XCR1: variants seen among roughly 807,000 people sequenced by gnomAD.
XCR1 encodes X-C motif chemokine receptor 1, also known as chemokine XC receptor 1.
For synonymous variants in XCR1, 187 were observed against 188.5 expected, an observed-to-expected ratio of 0.99 and a Z score of 0.06; for missense variants, 356 against 424.2, an observed-to-expected ratio of 0.84 and a Z score of 1.41.
chr3:46,084,304 A>G (rs1698432402), intron 1 of XCR1, among the ~76,000 whole-genome samples: 1 of 152,228 alleles, frequency 6.6e-6, no homozygotes, highest in Non-Finnish European at 1.5e-5. Flanking sequence ...ATTTGTGATC[A>G]AAAGGAAGGA....
chr3:46,033,973 T>C (rs891761561), intron 5 of XCR1, among the ~76,000 whole-genome samples: 3 of 51,884 alleles, frequency 5.8e-5, no homozygotes, highest in Admixed American at 3.0e-4. Context: ...TCATTGCTGT[T>C]TTTTTTTTCT....
chr3:46,082,598 CTCCCGACTCAGCT>C (rs1237028704), intron 1 of XCR1, among the ~76,000 whole-genome samples: 1 of 150,462 alleles, frequency 6.6e-6, no homozygotes, highest in Non-Finnish European at 1.5e-5. Flanking sequence ...TCAAGCAATC[CTCCCGACTCAGCT>C]TCCCGAGTAG....
intron 1 of XCR1, among the ~76,000 whole-genome samples, chr3:46,082,074 G>A (rs1698378054): frequency 6.6e-6 from 1 of 152,176 alleles, no homozygotes; most frequent in African/African-American, 2.4e-5. Flanking sequence ...TTGATGCATA[G>A]ATTCATATTT....
Position 46,020,685 on chromosome 3 carries a change from G to A in XCR1, c.*261C>T. On this transcript the variant is annotated 3_prime_UTR_variant, in exon 2 of 2. Transcript: ENST00000309285. ...GATTAGAAACACATGTCTAAATGAA[G>A]GAGCGTGCAAGATGAACTCAGAGTT... 1 of 528,534 alleles carries A rather than the reference G, an allele frequency of 1.9e-6. No homozygotes were observed. Among genetic ancestry groups the A allele is most frequent in the East Asian group, 3.2e-5 (1 of 31,544 alleles). The allele number at this position is 528,534 out of a possible 1,614,324, so 32.7% of individuals were successfully genotyped here.
intron 3 of XCR1, among the ~76,000 whole-genome samples, chr3:46,074,214 CTTTTTTTT>C (rs35124592): frequency 0.03 from 2,628 of 86,698 alleles, 52 homozygotes; most frequent in Middle Eastern, 0.13. Flanking sequence ...TGAAGGCCAT[CTTTTTTTT>C]TTTTTTTTTT....
In XCR1 at chr3:46,019,985, C is replaced by T. The variant is rs574612910; in HGVS notation, c.*961G>A. ...GGAGTTGAGGAAAAGAAAACACAGG[C>T]CTCCAAGAGGACTTGAGGTTTGGAG... On this transcript the variant is annotated 3_prime_UTR_variant, in exon 2 of 2. Coordinates refer to ENST00000309285, the MANE Select transcript of XCR1 (RefSeq NM_001024644.2). 3 of 152,348 alleles carry T rather than the reference C, an allele frequency of 2.0e-5. No individual in the cohort carries two copies. Among genetic ancestry groups the T allele is most frequent in the South Asian group, 4.1e-4 (2 of 4,828 alleles). 9.4% of individuals were successfully genotyped at this position (152,348 alleles called of 1,614,324 possible). A position where few individuals can be genotyped will look rare whatever the true frequency, so the allele number is the denominator to read the frequency against.
At chr3:46,039,832 A>G (rs1227483077) in intron 5 of XCR1, among the ~76,000 whole-genome samples, 4 of 152,202 alleles carry the variant, frequency 2.6e-5, no homozygotes, top group African/African-American at 9.6e-5. Flanking sequence ...AAATTAAACA[A>G]TATCAAAATC....
intron 1 of XCR1, among the ~76,000 whole-genome samples, chr3:46,079,122 C>T (rs1312895144): frequency 6.6e-6 from 1 of 152,154 alleles, no homozygotes; most frequent in Admixed American, 6.5e-5. Context: ...TAAGAAGTTC[C>T]TAAGTTACGG....
At chr3:46,025,332 A>G (rs1380332164) in intron 1 of XCR1, among the ~76,000 whole-genome samples, 1 of 152,122 alleles carries the variant, frequency 6.6e-6, no homozygotes, top group Non-Finnish European at 1.5e-5. Context: ...TGAGGCCAGG[A>G]GTTTCAGGCT....
At chr3:46,031,078 G>C (rs1042198799), upstream of XCR1, among the ~76,000 whole-genome samples, 36 of 152,092 alleles carry the variant, frequency 2.4e-4, no homozygotes, top group Non-Finnish European at 4.9e-4. Flanking sequence ...GCAGGAGCTG[G>C]GGACAAATGG....
chr3:46,021,870 G>C lies in XCR1; in HGVS notation c.78C>G (p.Ala26=), dbSNP rs928444246. 7 of 1,614,012 alleles carry C rather than the reference G, an allele frequency of 4.3e-6. No individual in the cohort carries two copies. The highest frequency in any genetic ancestry group is 1.3e-5 in the African/African-American group (1 of 74,880). ...TGGTGGCGAGGGTAGCAAAGACCCA[G>C]GCCTGGTTCTCACACGGCTGGCTCT... The part of the protein sequence containing the change: ...DLQSQPCENQ[A]WVFATLATTV... Residue 26 remains alanine, a synonymous_variant, in exon 2 of 2, where the codon GCC becomes GCG. Coordinates refer to ENST00000309285, the MANE Select transcript of XCR1 (RefSeq NM_001024644.2). The surrounding 1 kb of genome is among the most constrained non-coding windows in gnomAD (Gnocchi z 4.7).
At position 46,020,642 on chromosome 3, in the gene XCR1, C is replaced by A. The variant is rs1708121394; in HGVS notation, c.*304G>T. 1.0e-5 allele frequency: 4 copies of A among 397,910 alleles called. No homozygotes were observed. Among genetic ancestry groups the A allele is most frequent in the Admixed American group, 8.4e-5 (2 of 23,910 alleles). 24.6% of individuals were successfully genotyped at this position (397,910 alleles called of 1,614,324 possible). On this transcript the variant is annotated 3_prime_UTR_variant, in exon 2 of 2. Coordinates refer to ENST00000309285, the MANE Select transcript of XCR1 (RefSeq NM_001024644.2). Reference sequence around the variant, plus strand: ...CCCAGAATCCTTTCATGTCTTAGAACCTTCTGAACTAAACAGTGATTAGAA... The same window carrying A: ...CCCAGAATCCTTTCATGTCTTAGAAACTTCTGAACTAAACAGTGATTAGAA...
At chr3:46,074,214 C>CTTT (rs35124592) in intron 3 of XCR1, among the ~76,000 whole-genome samples, 5,443 of 86,332 alleles carry the variant, frequency 0.063, 1,107 homozygotes, top group African/African-American at 0.23. Context: ...TGAAGGCCAT[C>CTTT]TTTTTTTTTT....
chr3:46,024,113 T>C (rs1038149554), intron 1 of XCR1: 17 of 738,210 alleles, frequency 2.3e-5, no homozygotes, highest in Admixed American at 8.6e-5. Context: ...CTTCCCCTTA[T>C]GGATCTCCCT....
intron 5 of XCR1, among the ~76,000 whole-genome samples, chr3:46,053,128 TTG>T (rs1357296647): frequency 1.3e-5 from 2 of 152,218 alleles, no homozygotes; most frequent in East Asian, 1.9e-4. Context: ...ACAAGCAAGT[TTG>T]CGCCAAGTGT....
chr3:46,021,854 G>C lies in XCR1; in HGVS notation c.94C>G (p.Leu32Val). The change falls in exon 2 of 2, where the codon CTC becomes GTC. Residue 32 changes from leucine to valine, a missense_variant. Physicochemically the swap from Leu to Val is conservative, Grantham distance 32. Transcript: ENST00000309285. The surrounding 1 kb of genome is among the most constrained non-coding windows in gnomAD (Gnocchi z 4.7). ...CENQAWVFAT[L>V]ATTVLYCLVF... ...AGGCAGTATAGGACAGTGGTGGCGA[G>C]GGTAGCAAAGACCCAGGCCTGGTTC... is the stretch of plus-strand genomic sequence containing the variant. 6.2e-7 allele frequency: 1 copy of C among 1,614,134 alleles called. No individual in the cohort carries two copies. Among genetic ancestry groups the C allele is most frequent in the Non-Finnish European group, 8.5e-7 (1 of 1,180,018 alleles).
intron 5 of XCR1, among the ~76,000 whole-genome samples, chr3:46,040,220 T>A (rs940085200): frequency 6.6e-6 from 1 of 152,212 alleles, no homozygotes. Flanking sequence ...CTCCTCTTTA[T>A]CAAAGAGTAA....
intron 5 of XCR1, among the ~76,000 whole-genome samples, chr3:46,036,931 A>T (rs925641001): frequency 4.6e-5 from 7 of 152,320 alleles, no homozygotes; most frequent in Middle Eastern, 3.4e-3. Context: ...AAAAATAAAT[A>T]AAAAATGTGA....
At chr3:46,025,705 T>C in intron 1 of XCR1, among the ~76,000 whole-genome samples, 1 of 152,186 alleles carries the variant, frequency 6.6e-6, no homozygotes, top group East Asian at 1.9e-4. Context: ...AAGAAAACTT[T>C]AGAACTAGAG....
Sources: allele counts gnomAD v4.1 joint callset (sites outside exome capture counted in the v4.1 genomes callset), GRCh38; gene constraint gnomAD v4.1.1; non-coding constraint Gnocchi (gnomAD v3.1); transcripts MANE v1.5; gene names NCBI Gene and HGNC (gene_info 2026-07-23, HGNC 2026-07-21).